TRPM3: variants seen among roughly 807,000 people sequenced by gnomAD.
TRPM3 encodes the protein transient receptor potential cation channel subfamily M member 3.
Under a neutral mutation model 181.2 loss-of-function variants are expected in TRPM3, and 77 were observed. That is an observed-to-expected ratio of 0.42 (90% CI 0.35 to 0.51). The LOEUF (loss-of-function observed/expected upper bound fraction) is 0.51, where lower values mean the gene tolerates loss of function less well. TRPM3 is among the 20% of genes least tolerant of loss of function. TRPM3 has a pLI of 0.01. For missense variants in TRPM3, 1,759 were observed against 2,196.7 expected (o/e 0.80, Z 3.98); for synonymous variants, 745 against 796.4 (o/e 0.94, Z 1.09).
intron 1 of TRPM3, among the ~76,000 whole-genome samples, chr9:71,036,654 C>A (rs2132849122): frequency 6.6e-6 from 1 of 152,308 alleles, no homozygotes; most frequent in South Asian, 2.1e-4. Context: ...GAAACAAAAG[C>A]TTTTGGCCTT....
chr9:71,334,675 A>G (rs2090436752), intron 1 of TRPM3, among the ~76,000 whole-genome samples: 1 of 152,094 alleles, frequency 6.6e-6, no homozygotes, highest in Admixed American at 6.6e-5. Context: ...TTCTTATTCA[A>G]CAACCATCTT....
intron 1 of TRPM3, among the ~76,000 whole-genome samples, chr9:71,076,710 G>A (rs971805724): frequency 6.6e-6 from 1 of 152,142 alleles, no homozygotes; most frequent in Non-Finnish European, 1.5e-5. Context: ...AATCTATATA[G>A]GGTTCTCAAT....
chr9:70,949,375 G>A (rs899526294), intron 1 of TRPM3, among the ~76,000 whole-genome samples: 3 of 151,962 alleles, frequency 2.0e-5, no homozygotes, highest in African/African-American at 7.3e-5. Flanking sequence ...AGTATTCTAA[G>A]CAGATGTAGC....
intron 1 of TRPM3, among the ~76,000 whole-genome samples, chr9:71,413,472 G>A (rs927916491): frequency 3.9e-5 from 6 of 152,038 alleles, no homozygotes; most frequent in Non-Finnish European, 8.8e-5. Context: ...TTTGTACACA[G>A]GCAGTTAAGC....
In TRPM3 at chr9:70,843,055, C is replaced by T. The variant is rs535604537; in HGVS notation, c.749G>A (p.Gly250Asp). 1.2e-6 allele frequency: 2 copies of T among 1,613,762 alleles called. No homozygotes were observed. Among genetic ancestry groups the T allele is most frequent in the African/African-American group, 1.3e-5 (1 of 74,974 alleles). The change falls in exon 5 of 26, where the codon GGT (glycine) becomes GAT (aspartate). Residue 250 changes from glycine (G) to aspartate (D), a missense_variant. By Grantham distance (94) the Gly-to-Asp change is moderately conservative (BLOSUM62 -1). Coordinates refer to ENST00000677713, the MANE Select transcript of TRPM3 (RefSeq NM_001366145.2). ...SKSRGKICTI[G>D]IAPWGIVENQ... ...TTCCACAATTCCCCAGGGGGCAATA[C>T]CTATGGTGCATATCTTTCCTCGAGA...
intron 1 of TRPM3, among the ~76,000 whole-genome samples, chr9:70,946,590 T>A (rs2096935940): frequency 2.0e-5 from 3 of 152,154 alleles, no homozygotes; most frequent in Admixed American, 2.0e-4. Flanking sequence ...GCAACAGGAC[T>A]TTTTAAAGCT....
chr9:70,939,272 A>T (rs538692846), intron 1 of TRPM3, among the ~76,000 whole-genome samples: 78 of 152,356 alleles, frequency 5.1e-4, no homozygotes, highest in African/African-American at 1.8e-3. Context: ...GTCTTTATTT[A>T]TGACAGAACT....
chr9:70,776,327 G>T, intron 7 of TRPM3: 1 of 621,988 alleles, frequency 1.6e-6, no homozygotes, highest in Non-Finnish European at 2.9e-6. Context: ...AGCTGGGGTA[G>T]GACACTGCAG....
At chr9:70,754,648 T>C (rs1374366896) in intron 8 of TRPM3, among the ~76,000 whole-genome samples, 1 of 152,150 alleles carries the variant, frequency 6.6e-6, no homozygotes, top group Non-Finnish European at 1.5e-5. Context: ...GTCAGTTAAG[T>C]GCTGGGATGA....
chr9:71,341,729 T>G (rs1304188770), intron 1 of TRPM3, among the ~76,000 whole-genome samples: 1 of 151,876 alleles, frequency 6.6e-6, no homozygotes, highest in African/African-American at 2.4e-5. Flanking sequence ...GTAATTCAGT[T>G]AATAGTACAT....
intron 1 of TRPM3, among the ~76,000 whole-genome samples, chr9:71,326,855 G>T (rs1467843778): frequency 6.6e-6 from 1 of 152,192 alleles, no homozygotes; most frequent in Non-Finnish European, 1.5e-5. Context: ...CAGGGCTAGT[G>T]TCTCTGGTGC....
intron 1 of TRPM3, among the ~76,000 whole-genome samples, chr9:71,415,600 C>G (rs1341522917): frequency 6.6e-6 from 1 of 151,946 alleles, no homozygotes; most frequent in African/African-American, 2.4e-5. Context: ...TACAAGCAGA[C>G]TTTGATAAAT....
At chr9:71,239,882 A>G (rs1169094659) in intron 1 of TRPM3, among the ~76,000 whole-genome samples, 1 of 151,794 alleles carries the variant, frequency 6.6e-6, no homozygotes, top group Admixed American at 6.6e-5. Flanking sequence ...AAACTAATTT[A>G]TATCACTACC....
rs187560433 is a variant in TRPM3, at chr9:71,323,830, G to A, written c.183+122823C>T. ...TAGAAGAGAGAAAGAAAGGGAGCTCGTTACTGGATTTCTCTTCTGATCCAC... is the reference window on the plus strand; with the variant it reads ...TAGAAGAGAGAAAGAAAGGGAGCTCATTACTGGATTTCTCTTCTGATCCAC... On this transcript the variant is annotated intron_variant, in intron 1 of 24. Transcript: ENST00000357533. Among the ~76,000 whole-genome samples the A allele has an allele frequency of 8.5e-5, 13 of 152,084 alleles. No homozygotes were observed. The East Asian group carries it at 1.6e-3, about 18-fold the overall frequency.
At chr9:70,686,981 C>T (rs142837484) in intron 8 of TRPM3, among the ~76,000 whole-genome samples, 492 of 151,730 alleles carry the variant, frequency 3.2e-3, no homozygotes, top group African/African-American at 0.011. Context: ...CCACCATGCC[C>T]GGCTAATTTT....
intron 4 of TRPM3, 89 bp from the exon 5 acceptor site, chr9:70,843,216 G>T: frequency 1.5e-6 from 2 of 1,362,156 alleles, no homozygotes; most frequent in African/African-American, 1.5e-5. Context: ...GGTTTCTCCC[G>T]AGGTTAAATA....
At chr9:71,344,779 T>C (rs2091192936) in intron 1 of TRPM3, among the ~76,000 whole-genome samples, 1 of 152,088 alleles carries the variant, frequency 6.6e-6, no homozygotes, top group African/African-American at 2.4e-5. Context: ...ATAACACTAC[T>C]AATAAAACAA....
intron 1 of TRPM3, among the ~76,000 whole-genome samples, chr9:71,245,041 T>C (rs1291990879): frequency 6.6e-6 from 1 of 152,176 alleles, no homozygotes; most frequent in African/African-American, 2.4e-5. Flanking sequence ...AGGACAATCA[T>C]GACAATTTCA....
intron 1 of TRPM3, among the ~76,000 whole-genome samples, chr9:71,147,105 T>C (rs1419500035): frequency 6.6e-6 from 1 of 152,182 alleles, no homozygotes; most frequent in African/African-American, 2.4e-5. Flanking sequence ...CCAACGTGGT[T>C]GTCCCAGCCT....
Sources: gnomAD v4.1 joint callset for allele counts (sites outside exome capture counted in the v4.1 genomes callset) on GRCh38, gnomAD v4.1.1 for gene constraint, MANE v1.5 for transcripts, NCBI Gene and HGNC (gene_info 2026-07-23, HGNC 2026-07-21) for gene names.